Variants in FNTB observed in about 807,000 individuals in gnomAD.
FNTB encodes the protein protein farnesyltransferase subunit beta.
A neutral mutation model predicts 59.4 loss-of-function variants in FNTB; 27 were observed. The observed-to-expected ratio is 0.45, with a 90% CI of 0.34 to 0.63. FNTB has a LOEUF of 0.63. FNTB is among the 20% of genes least tolerant of loss of function. The pLI, the probability that FNTB is intolerant of heterozygous loss-of-function variation, is 0.02. For missense variants in FNTB, 449 were observed against 559.6 expected (o/e 0.80, Z 1.99); for synonymous variants, 230 against 220.7 (o/e 1.04, Z -0.37).
In FNTB at chr14:65,061,488, G is replaced by A; in HGVS notation, c.*176G>A. ...TGGCTCTGGGTTTGGAGAACACAGT[G>A]GCTGGTTTTAAAAATTCTTTCCACA... On this transcript the variant is annotated 3_prime_UTR_variant, in exon 12 of 12. Coordinates refer to ENST00000246166, the MANE Select transcript of FNTB (RefSeq NM_002028.4). 5.1e-6 allele frequency: 6 copies of A among 1,179,084 alleles called. No individual in the cohort carries two copies. In the South Asian group the frequency reaches 1.0e-4, roughly 20 times the overall value. 73.0% of individuals were successfully genotyped at this position (1,179,084 alleles called of 1,614,324 possible).
intron 1 of FNTB, 187 bp downstream of exon 1, chr14:64,987,284 A>G: frequency 3.1e-6 from 2 of 650,162 alleles, no homozygotes; most frequent in South Asian, 1.9e-5. Flanking sequence ...TTGCGCGGCC[A>G]GCTTGGGGAA....
intron 4 of FNTB, chr14:65,022,071 ACAAGAGATGC>A: frequency 2.2e-6 from 1 of 456,068 alleles, no homozygotes; most frequent in Non-Finnish European, 4.4e-6. Context: ...CCCGGAATCA[ACAAGAGATGC>A]TGCCCGTCTT....
chr14:64,993,824 T>C (rs1196638844), intron 1 of FNTB, among the ~76,000 whole-genome samples: 2 of 152,050 alleles, frequency 1.3e-5, no homozygotes. Context: ...TCTCTGCTTT[T>C]ATTGATTGGA....
intron 4 of FNTB, among the ~76,000 whole-genome samples, chr14:65,019,490 A>C (rs1298423282): frequency 1.5e-5 from 2 of 129,672 alleles, no homozygotes; most frequent in Non-Finnish European, 3.2e-5. Context: ...GTTGTCTCAA[A>C]AAACAAACAA....
rs373395161 is a variant in FNTB at position 65,031,640 on chromosome 14, C to T, written c.606-970C>T. On this transcript the variant is annotated intron_variant, in intron 6 of 11. Transcript: ENST00000246166. The surrounding 1 kb of genome is among the most constrained non-coding windows in gnomAD (Gnocchi z 4.6). ...CTAATAATGCTTTTTTAAAAAATAG[C>T]CCGGGCGCGGTGGCTTATGCCTGTA... 1.1e-4 allele frequency among the ~76,000 whole-genome samples: 17 copies of T among 151,938 alleles called. No homozygotes were observed. The highest frequency in any genetic ancestry group is 5.8e-4 in the East Asian group (3 of 5,130).
rs1017830933 is a variant in FNTB, at chr14:65,031,369, A to G, written c.606-1241A>G. 4.0e-5 allele frequency among the ~76,000 whole-genome samples: 6 copies of G among 151,070 alleles called. No homozygotes were observed. Among genetic ancestry groups the G allele is most frequent in the Non-Finnish European group, 8.9e-5 (6 of 67,694 alleles). On this transcript the variant is annotated intron_variant, in intron 6 of 11. Coordinates refer to ENST00000246166, the MANE Select transcript of FNTB (RefSeq NM_002028.4). This position sits in a 1 kb window ranked among gnomAD's most constrained non-coding sequence, Gnocchi z 4.6. Reference sequence around the variant, plus strand: ...GTCTCACTCTGTTGCCCAAGCTGGAATGCAGTGGCATGATCTTGGCTCACT... The same window carrying G: ...GTCTCACTCTGTTGCCCAAGCTGGAGTGCAGTGGCATGATCTTGGCTCACT...
chr14:65,011,521 A>G lies in FNTB; in HGVS notation c.210-796A>G, dbSNP rs945879086. Among the ~76,000 whole-genome samples, 7 of 151,590 alleles carry G rather than the reference A, an allele frequency of 4.6e-5. No individual in the cohort carries two copies. The highest frequency in any genetic ancestry group is 1.0e-4 in the Non-Finnish European group (7 of 67,956). The stretch of plus-strand genomic sequence containing the variant: ...TTGATAAACAATTGTGGAATTGACT[A>G]CCTAGCAAAGGGAATGGTTCTCTTT... On this transcript the variant is annotated intron_variant, in intron 2 of 11. Coordinates refer to ENST00000246166, the MANE Select transcript of FNTB (RefSeq NM_002028.4). This position sits in a 1 kb window ranked among gnomAD's most constrained non-coding sequence, Gnocchi z 4.0.
At chr14:65,038,375 A>ACTC (rs2062264028) in intron 7 of FNTB, among the ~76,000 whole-genome samples, 1 of 151,292 alleles carries the variant, frequency 6.6e-6, no homozygotes, top group Non-Finnish European at 1.5e-5. Context: ...GCACCATTGC[A>ACTC]CTCCAGCCCA....
In FNTB at chr14:65,032,129, G is replaced by A. The variant is rs1232246420; in HGVS notation, c.606-481G>A. The stretch of plus-strand genomic sequence containing the variant: ...CTTGTTTGATCTATTACAATTTGGT[G>A]GCCTGTTTTGCAGTTTATCTGTTGC... On this transcript the variant is annotated intron_variant, in intron 6 of 11. Coordinates refer to ENST00000246166, the MANE Select transcript of FNTB (RefSeq NM_002028.4). This position sits in a 1 kb window ranked among gnomAD's most constrained non-coding sequence, Gnocchi z 5.0. Among the ~76,000 whole-genome samples the A allele has an allele frequency of 1.3e-5, 2 of 151,840 alleles. No homozygotes were observed. Among genetic ancestry groups the A allele is most frequent in the African/African-American group, 4.8e-5 (2 of 41,312 alleles).
chr14:65,044,240 C>T lies in FNTB; in HGVS notation c.823-71C>T. The T allele has an allele frequency of 6.2e-7, 1 of 1,607,740 alleles. No homozygotes were observed. Among genetic ancestry groups the T allele is most frequent in the South Asian group, 1.1e-5 (1 of 90,022 alleles). On this transcript the variant is annotated intron_variant, in intron 8 of 11. Transcript: ENST00000246166. The surrounding 1 kb of genome is among the most constrained non-coding windows in gnomAD (Gnocchi z 5.5). ...AACCCTCCATCCCACAGATTGACTC[C>T]TGGAGATTCTGTCGGGCTGGATTTT...
rs1462777640 is a variant in FNTB at position 65,020,525 on chromosome 14, A to G, written c.374+4809A>G. 3.9e-5 allele frequency among the ~76,000 whole-genome samples: 6 copies of G among 152,048 alleles called. 1 individual carries two copies. Among genetic ancestry groups the G allele is most frequent in the Non-Finnish European group, 8.8e-5 (6 of 67,986 alleles). On this transcript the variant is annotated intron_variant, in intron 4 of 11. Coordinates refer to ENST00000246166, the MANE Select transcript of FNTB (RefSeq NM_002028.4). The stretch of plus-strand genomic sequence containing the variant: ...ACTGCAACCTCCACCTCCTGGGTTC[A>G]AGCAATTCTCCTGCCTCGGCCTCCC...
chr14:65,035,593 G>A (rs1422093736), intron 7 of FNTB, among the ~76,000 whole-genome samples: 1 of 151,988 alleles, frequency 6.6e-6, no homozygotes, highest in Non-Finnish European at 1.5e-5. Flanking sequence ...GTAGTGGTGT[G>A]ATCACAGCTC....
In FNTB at chr14:65,000,838, A is replaced by AAAAAAAAAAAAG. The variant is rs778200008; in HGVS notation, c.145-3408_145-3407insAAAAAAAAGAAA. ...CTCAAAAAAAAAAAAAAAAAAAAAAAAAAGAATAGTTACCCAAAAAGCTGG... is the reference window on the plus strand; with the variant it reads ...CTCAAAAAAAAAAAAAAAAAAAAAAAAAAAAAAAAAAGAAAGAATAGTTACCCAAAAAGCTGG... On this transcript the variant is annotated intron_variant, in intron 1 of 11. Coordinates refer to ENST00000246166, the MANE Select transcript of FNTB (RefSeq NM_002028.4). Among the ~76,000 whole-genome samples, 29 of 116,008 alleles carry AAAAAAAAAAAAG rather than the reference A, an allele frequency of 2.5e-4. 3 individuals carry two copies. The highest frequency in any genetic ancestry group is 7.0e-4 in the East Asian group (3 of 4,294). 76.1% of individuals were successfully genotyped at this position (116,008 alleles called of 152,430 possible). A position where few individuals can be genotyped will look rare whatever the true frequency, so the allele number is the denominator to read the frequency against.
intron 7 of FNTB, among the ~76,000 whole-genome samples, chr14:65,033,726 G>A (rs1051360844): frequency 7.2e-5 from 11 of 152,070 alleles, no homozygotes; most frequent in African/African-American, 2.2e-4. Context: ...GCATGGTGGC[G>A]GGCGCCTGTA....
chr14:64,996,766 CTTTTTTT>C (rs34327825), intron 1 of FNTB, among the ~76,000 whole-genome samples: 27 of 94,446 alleles, frequency 2.9e-4, no homozygotes, highest in African/African-American at 7.8e-4. Context: ...TTGCTAACAT[CTTTTTTT>C]TTTTTTTTTT....
Position 65,054,658 on chromosome 14 carries a change from A to G in FNTB, c.1151A>G (p.Asp384Gly). 1 of 1,613,156 alleles carries G rather than the reference A, an allele frequency of 6.2e-7. No individual in the cohort carries two copies. Among genetic ancestry groups the G allele is most frequent in the Non-Finnish European group, 8.5e-7 (1 of 1,179,582 alleles). ...QHFGSGAMLH[D>G]VVLGVPENAL... ...TTCGGCAGCGGAGCCATGTTGCATG[A>G]TGTGGTCCTGGGTGTGCCCGAAAAC... The change falls in exon 11 of 12, where the codon GAT (aspartate) becomes GGT (glycine). Residue 384 changes from aspartate (D) to glycine (G), a missense_variant. Physicochemically the swap from Asp to Gly is moderately conservative, Grantham distance 94 (BLOSUM62 -1). Coordinates refer to ENST00000246166, the MANE Select transcript of FNTB (RefSeq NM_002028.4). This position sits in a 1 kb window ranked among gnomAD's most constrained non-coding sequence, Gnocchi z 4.4.
At chr14:65,038,149 G>A (rs887573142) in intron 7 of FNTB, among the ~76,000 whole-genome samples, 6 of 151,614 alleles carry the variant, frequency 4.0e-5, no homozygotes, top group Non-Finnish European at 5.9e-5. Context: ...GGTGGCTCAC[G>A]CCTGTAATCC....
intron 2 of FNTB, among the ~76,000 whole-genome samples, chr14:65,008,815 A>G (rs2061637542): frequency 6.6e-6 from 1 of 152,206 alleles, no homozygotes; most frequent in South Asian, 2.1e-4. Context: ...ACCCCTCATA[A>G]GAAATTCTAT....
At chr14:65,048,594 C>T (rs1208476524) in intron 9 of FNTB, among the ~76,000 whole-genome samples, 1 of 152,134 alleles carries the variant, frequency 6.6e-6, no homozygotes, top group Non-Finnish European at 1.5e-5. Context: ...GGTTCATGAC[C>T]ATAATCCCAG....
Sources: allele counts gnomAD v4.1 joint callset (sites outside exome capture counted in the v4.1 genomes callset), GRCh38; gene constraint gnomAD v4.1.1; non-coding constraint Gnocchi (gnomAD v3.1); transcripts MANE v1.5; gene names NCBI Gene and HGNC (gene_info 2026-07-23, HGNC 2026-07-21).